The following TRAF5 variants were observed in gnomAD, a reference collection of about 807,000 sequenced individuals.
The protein encoded by TRAF5 is TNF receptor associated factor 5.
In TRAF5, 48 loss-of-function variants were observed where a neutral mutation model predicts 64.5. That is an observed-to-expected ratio of 0.74 (90% CI 0.59 to 0.95). TRAF5 has a LOEUF of 0.95. TRAF5 is among the 40% of genes least tolerant of loss of function. The pLI, the probability that TRAF5 is intolerant of heterozygous loss-of-function variation, is 0.00. For synonymous variants in TRAF5, 206 were observed against 240.5 expected, an observed-to-expected ratio of 0.86 and a Z score of 1.33; for missense variants, 545 against 662.8, an observed-to-expected ratio of 0.82 and a Z score of 1.95.
intron 1 of TRAF5, among the ~76,000 whole-genome samples, chr1:211,351,832 C>T (rs1244553608): frequency 6.6e-6 from 1 of 152,102 alleles, no homozygotes; most frequent in Non-Finnish European, 1.5e-5. Context: ...TTTGTCTGTT[C>T]TTTTGATAGT....
At chr1:211,352,778 C>T (rs192709915) in intron 1 of TRAF5, among the ~76,000 whole-genome samples, 59 of 152,276 alleles carry the variant, frequency 3.9e-4, no homozygotes, top group Non-Finnish European at 5.3e-4. Context: ...GTCTGGTAAA[C>T]GCTTGCTCTG....
chr1:211,334,864 A>C, intron 1 of TRAF5, among the ~76,000 whole-genome samples: 1 of 152,140 alleles, frequency 6.6e-6, no homozygotes, highest in East Asian at 1.9e-4. Context: ...GCTTTCCTTC[A>C]TAATCTCATC....
Position 211,326,841 on chromosome 1 carries a change from C to G in TRAF5, c.-50C>G. 1 of 984,700 alleles carries G rather than the reference C, an allele frequency of 1.0e-6. No homozygotes were observed. The allele number at this position is 984,700 out of a possible 1,614,324, so 61.0% of individuals were successfully genotyped here. A position where few individuals can be genotyped will look rare whatever the true frequency, so the allele number is the denominator to read the frequency against. The stretch of plus-strand genomic sequence containing the variant: ...CGCCGCCGGCCGCAGCCAGGAGCAG[C>G]AGCCGCGCCTGCAGACCGGCCTCGC... On this transcript the variant is annotated 5_prime_UTR_variant, in exon 1 of 11. Coordinates refer to ENST00000261464, the MANE Select transcript of TRAF5 (RefSeq NM_001033910.3). The surrounding 1 kb of genome is among the most constrained non-coding windows in gnomAD (Gnocchi z 5.0).
intron 7 of TRAF5, 45 bp downstream of exon 7, chr1:211,361,207 A>C: frequency 6.5e-7 from 1 of 1,545,876 alleles, no homozygotes; most frequent in East Asian, 2.2e-5. Flanking sequence ...CTACTGTATA[A>C]TTCACTTGGC....
Position 211,360,024 on chromosome 1 carries a change from G to C in TRAF5, c.491G>C (p.Arg164Pro), listed in dbSNP as rs765593941. 4 of 1,614,084 alleles carry C rather than the reference G, an allele frequency of 2.5e-6. No homozygotes were observed. The East Asian group carries it at 8.9e-5, about 36-fold the overall frequency. ...CATTTGAGTGCATCCTGTCAGTTTC[G>C]AAAGGAAAAATGCCTTTATTGCAAA... Reference protein sequence around the residue: ...KEHLSASCQFRKEKCLYCKKD... With the variant: ...KEHLSASCQFPKEKCLYCKKD... Residue 164 changes from arginine to proline, a missense_variant, in exon 5 of 11, where the codon CGA becomes CCA. Arg to Pro is a moderately radical substitution (Grantham distance 103, BLOSUM62 -2). Coordinates refer to ENST00000261464, the MANE Select transcript of TRAF5 (RefSeq NM_001033910.3).
At chr1:211,335,549 G>A (rs1412593937) in intron 1 of TRAF5, among the ~76,000 whole-genome samples, 1 of 152,036 alleles carries the variant, frequency 6.6e-6, no homozygotes, top group Non-Finnish European at 1.5e-5. Context: ...TTACATTCCC[G>A]GCAAGTGCTG....
intron 1 of TRAF5, among the ~76,000 whole-genome samples, chr1:211,328,201 G>A (rs190747910): frequency 5.1e-4 from 78 of 152,302 alleles, no homozygotes; most frequent in African/African-American, 1.8e-3. Flanking sequence ...TGGTTTGGGT[G>A]GAAACACTTC....
At chr1:211,349,748 T>A (rs1276676336) in intron 1 of TRAF5, among the ~76,000 whole-genome samples, 1 of 152,160 alleles carries the variant, frequency 6.6e-6, no homozygotes, top group Non-Finnish European at 1.5e-5. Context: ...GGAGGGAACC[T>A]GAACTGAGTT....
At chr1:211,343,302 C>G (rs1455636286) in intron 1 of TRAF5, among the ~76,000 whole-genome samples, 1 of 152,142 alleles carries the variant, frequency 6.6e-6, no homozygotes, top group Non-Finnish European at 1.5e-5. Flanking sequence ...GCCATGCTGA[C>G]TCTTGGAACC....
intron 1 of TRAF5, among the ~76,000 whole-genome samples, chr1:211,349,290 A>G (rs1412065155): frequency 6.6e-6 from 1 of 152,202 alleles, no homozygotes; most frequent in Non-Finnish European, 1.5e-5. Context: ...TAATTTATAA[A>G]GAACAAAAAT....
At chr1:211,361,281 G>A (rs1462231528) in intron 7 of TRAF5, 119 bp downstream of exon 7, 2 of 865,654 alleles carry the variant, frequency 2.3e-6, no homozygotes, top group Non-Finnish European at 1.8e-6. Context: ...AGAAATTTAA[G>A]GCTAATTATT....
chr1:211,360,489 T>G (rs1337114673), intron 5 of TRAF5: 1 of 537,340 alleles, frequency 1.9e-6, no homozygotes, highest in Admixed American at 3.5e-5. Context: ...CTGTGTTCTA[T>G]GACTTTCTTT....
intron 1 of TRAF5, among the ~76,000 whole-genome samples, chr1:211,350,288 C>T (rs1162509539): frequency 5.9e-5 from 7 of 119,540 alleles, no homozygotes; most frequent in South Asian, 3.1e-4. Flanking sequence ...AATCATGACT[C>T]GCTGTGGCCT....
chr1:211,370,537 T>C (rs1703489690), intron 9 of TRAF5, among the ~76,000 whole-genome samples: 1 of 152,124 alleles, frequency 6.6e-6, no homozygotes, highest in South Asian at 2.1e-4. Flanking sequence ...GATAAACCCA[T>C]TAAGTTGAAA....
At chr1:211,343,688 T>C (rs1015251541) in intron 1 of TRAF5, among the ~76,000 whole-genome samples, 1 of 152,160 alleles carries the variant, frequency 6.6e-6, no homozygotes, top group African/African-American at 2.4e-5. Flanking sequence ...AGCCTTAGGC[T>C]CCATTCACTT....
At chr1:211,351,082 A>G (rs1280618206) in intron 1 of TRAF5, among the ~76,000 whole-genome samples, 1 of 134,430 alleles carries the variant, frequency 7.4e-6, no homozygotes, top group Non-Finnish European at 1.5e-5. Context: ...ACTGGAGTGC[A>G]GTGGCGCCAT....
chr1:211,334,795 G>C (rs902256234), intron 1 of TRAF5, among the ~76,000 whole-genome samples: 1 of 152,204 alleles, frequency 6.6e-6, no homozygotes, highest in Admixed American at 6.5e-5. Context: ...CCATCCTTGC[G>C]AGGAGAACTT....
At chr1:211,358,996 G>A (rs1337538507) in intron 4 of TRAF5, 1 of 151,694 alleles carries the variant, frequency 6.6e-6, no homozygotes, top group Non-Finnish European at 1.5e-5. Flanking sequence ...ACCTAGGCTG[G>A]AGCGCAGTGG....
chr1:211,361,248 A>T (rs1703170796), intron 7 of TRAF5, 86 bp downstream of exon 7: 1 of 1,223,220 alleles, frequency 8.2e-7, no homozygotes, highest in African/African-American at 1.5e-5. Flanking sequence ...TCCATCGAGG[A>T]TGGAGAAAGA....
Sources: gnomAD v4.1 joint callset for allele counts (sites outside exome capture counted in the v4.1 genomes callset) on GRCh38, gnomAD v4.1.1 for gene constraint, Gnocchi (gnomAD v3.1) non-coding constraint, MANE v1.5 for transcripts, NCBI Gene and HGNC (gene_info 2026-07-23, HGNC 2026-07-21) for gene names.